The following CACNA1E variants were observed in gnomAD, a reference collection of about 807,000 sequenced individuals.
The protein encoded by CACNA1E is voltage-dependent R-type calcium channel subunit alpha-1E.
CACNA1E carries 40 observed loss-of-function variants against 259.2 expected under a neutral mutation model. The observed-to-expected ratio is 0.15, with a 90% CI of 0.12 to 0.20. CACNA1E has a LOEUF of 0.20. CACNA1E is among the 10% of genes least tolerant of loss of function. The probability of loss-of-function intolerance (pLI) is 1.00; values close to 1 mark genes in which losing one functional copy is unlikely to be tolerated. For synonymous variants in CACNA1E, 1,104 were observed against 1,138.5 expected (o/e 0.97, Z 0.61); for missense variants, 1,874 against 3,040.1 (o/e 0.62, Z 9.02).
At chr1:181,769,401 T>C (rs1659300280) in intron 35 of CACNA1E, among the ~76,000 whole-genome samples, 1 of 150,858 alleles carries the variant, frequency 6.6e-6, no homozygotes, top group South Asian at 2.1e-4. Flanking sequence ...ACAATAAATA[T>C]GTGTTTTTGA....
upstream of CACNA1E, among the ~76,000 whole-genome samples, chr1:181,482,197 G>A (rs1663316323): frequency 6.6e-6 from 1 of 152,244 alleles, no homozygotes; most frequent in Non-Finnish European, 1.5e-5. Flanking sequence ...AGCCTGGGAG[G>A]TGCGGAGGAG....
intron 3 of CACNA1E, among the ~76,000 whole-genome samples, chr1:181,547,231 C>A (rs1647573535): frequency 6.6e-6 from 1 of 152,076 alleles, no homozygotes; most frequent in African/African-American, 2.4e-5. Context: ...CTCATGCCTG[C>A]CCCCGACTCT....
At chr1:181,608,266 CAG>C (rs1386847027) in intron 6 of CACNA1E, among the ~76,000 whole-genome samples, 1 of 151,910 alleles carries the variant, frequency 6.6e-6, no homozygotes, top group Non-Finnish European at 1.5e-5. Context: ...TTTGGGAAGA[CAG>C]GGAGGAGCGA....
chr1:181,370,925 C>A (rs992133295), intron 1 of CACNA1E, among the ~76,000 whole-genome samples: 1 of 152,154 alleles, frequency 6.6e-6, no homozygotes, highest in Non-Finnish European at 1.5e-5. Flanking sequence ...TCCACAGCCT[C>A]GACAACATGT....
intron 1 of CACNA1E, among the ~76,000 whole-genome samples, chr1:181,383,773 G>C (rs187915539): frequency 6.6e-6 from 1 of 152,186 alleles, no homozygotes; most frequent in Non-Finnish European, 1.5e-5. Context: ...CCTCCCTTAC[G>C]GGGTATGAAC....
chr1:181,732,710 C>A lies in CACNA1E; in HGVS notation c.2624C>A (p.Ser875Tyr). The change falls in exon 20 of 48, where the codon TCC becomes TAC. Residue 875 changes from serine (S) to tyrosine (Y), a missense_variant. By Grantham distance (144) the Ser-to-Tyr change is moderately radical. Coordinates refer to ENST00000367573, the MANE Select transcript of CACNA1E (RefSeq NM_001205293.3). The surrounding 1 kb of genome is among the most constrained non-coding windows in gnomAD (Gnocchi z 5.5). The stretch of plus-strand genomic sequence containing the variant: ...CTGGACAACCAGAGGACCCCTTTGT[C>A]CCTGGGCCAGCGGGAGCCACCATGG... ...SALDNQRTPLSLGQREPPWLA... is the reference protein window; with the variant it reads ...SALDNQRTPLYLGQREPPWLA... 1 of 1,541,702 alleles carries A rather than the reference C, an allele frequency of 6.5e-7. No individual in the cohort carries two copies. Among genetic ancestry groups the A allele is most frequent in the Admixed American group, 2.0e-5 (1 of 50,060 alleles).
chr1:181,412,424 G>T (rs550657487), intron 1 of CACNA1E, among the ~76,000 whole-genome samples: 96 of 152,268 alleles, frequency 6.3e-4, no homozygotes, highest in Admixed American at 1.3e-3. Flanking sequence ...TAAAAAAATT[G>T]CTGGATGTGG....
chr1:181,798,808 G>T lies in CACNA1E; in HGVS notation c.6916G>T (p.Asp2306Tyr). ...MCGAVNNLLSDTEEDDKC is the reference protein window; with the variant it reads ...MCGAVNNLLSYTEEDDKC ...TGGGGCTGTCAACAACCTGCTAAGT[G>T]ACACGGAAGAAGATGACAAATGCTA... is the stretch of plus-strand genomic sequence containing the variant. The change falls in exon 48 of 48, where the codon GAC (aspartate) becomes TAC (tyrosine). Residue 2306 changes from aspartate to tyrosine, a missense_variant. Physicochemically the swap from Asp to Tyr is radical, Grantham distance 160. Coordinates refer to ENST00000367573, the MANE Select transcript of CACNA1E (RefSeq NM_001205293.3). The surrounding 1 kb of genome is among the most constrained non-coding windows in gnomAD (Gnocchi z 4.2). 1 of 1,532,054 alleles carries T rather than the reference G, an allele frequency of 6.5e-7. No individual in the cohort carries two copies. Among genetic ancestry groups the T allele is most frequent in the South Asian group, 1.2e-5 (1 of 80,800 alleles). The allele number at this position is 1,532,054 out of a possible 1,614,324, so 94.9% of individuals were successfully genotyped here. A position where few individuals can be genotyped will look rare whatever the true frequency, so the allele number is the denominator to read the frequency against.
intron 3 of CACNA1E, among the ~76,000 whole-genome samples, chr1:181,521,393 G>T (rs1467128402): frequency 6.6e-6 from 1 of 152,178 alleles, no homozygotes; most frequent in Non-Finnish European, 1.5e-5. Flanking sequence ...TATCTTTGCT[G>T]TTGAATCTTA....
In CACNA1E at chr1:181,733,587, C is replaced by T. The variant is rs1337344692; in HGVS notation, c.3099C>T (p.Ala1033=). 1.9e-6 allele frequency: 3 copies of T among 1,612,786 alleles called. No individual in the cohort carries two copies. The highest frequency in any genetic ancestry group is 2.5e-6 in the Non-Finnish European group (3 of 1,179,478). ...AGCCAGAAGGCAGCAGTGAGCAGGC[C>T]CTGCTGGGGAATGTGCAGCTAGACA... ...EQEPEGSSEQ[A]LLGNVQLDMG... Residue 1033 remains alanine (A), a synonymous_variant, in exon 21 of 48, where the codon GCC becomes GCT. Coordinates refer to ENST00000367573, the MANE Select transcript of CACNA1E (RefSeq NM_001205293.3).
intron 2 of CACNA1E, among the ~76,000 whole-genome samples, chr1:181,455,418 G>A (rs1441100516): frequency 1.3e-5 from 2 of 152,198 alleles, no homozygotes; most frequent in East Asian, 1.9e-4. Flanking sequence ...AGAGGATAAC[G>A]TGAGAAGAGC....
rs751000349 is a variant in CACNA1E, at chr1:181,721,746, T to G, written c.1957-12T>G. The G allele has an allele frequency of 7.0e-6, 11 of 1,576,136 alleles. No individual in the cohort carries two copies. The South Asian group carries it at 1.2e-4, about 17-fold the overall frequency. ...CCAGGTTTCTGATGCGCCTGTCATT[T>G]GCTTTTTGTAGATCCTGACGGGTGA... On this transcript the variant is annotated splice_polypyrimidine_tract_variant and intron_variant, in intron 15 of 47. Coordinates refer to ENST00000367573, the MANE Select transcript of CACNA1E (RefSeq NM_001205293.3).
At position 181,525,285 on chromosome 1, in the gene CACNA1E, G is replaced by A. The variant is rs1667274139; in HGVS notation, c.512+13775G>A. Among the ~76,000 whole-genome samples the A allele has an allele frequency of 2.6e-5, 4 of 152,318 alleles. No individual in the cohort carries two copies. In the South Asian group the frequency reaches 8.3e-4, roughly 32 times the overall value. On this transcript the variant is annotated intron_variant, in intron 3 of 47. Coordinates refer to ENST00000367573, the MANE Select transcript of CACNA1E (RefSeq NM_001205293.3). The stretch of plus-strand genomic sequence containing the variant: ...AGGGACAGCAGTAGAGTTAAATAGG[G>A]AAGAGATGGAAGATCACTGGGAATG...
intron 2 of CACNA1E, 78 bp downstream of exon 2, chr1:181,510,660 A>T: frequency 1.1e-6 from 1 of 904,950 alleles, no homozygotes; most frequent in Non-Finnish European, 1.8e-6. Flanking sequence ...TCACTCTCCC[A>T]TTCCCTTCCT....
chr1:181,554,296 G>A (rs141582054), intron 3 of CACNA1E, among the ~76,000 whole-genome samples: 2,861 of 152,254 alleles, frequency 0.019, 42 homozygotes, highest in Non-Finnish European at 0.031. Flanking sequence ...TTAAAGATGT[G>A]AGCCACTGCG....
At chr1:181,431,551 C>T (rs1318660700) in intron 2 of CACNA1E, among the ~76,000 whole-genome samples, 1 of 152,164 alleles carries the variant, frequency 6.6e-6, no homozygotes, top group East Asian at 1.9e-4. Flanking sequence ...TATTAACAGA[C>T]ATGCCAGTGG....
intron 46 of CACNA1E, among the ~76,000 whole-genome samples, chr1:181,796,439 A>T (rs910703531): frequency 6.6e-6 from 1 of 152,154 alleles, no homozygotes; most frequent in African/African-American, 2.4e-5. Flanking sequence ...TCTTCTTATC[A>T]GGGCACTAAT....
chr1:181,369,863 T>G (rs573840022), intron 1 of CACNA1E, among the ~76,000 whole-genome samples: 14 of 152,204 alleles, frequency 9.2e-5, no homozygotes. Context: ...GCAAATTGTG[T>G]GTCATGGGGG....
intron 7 of CACNA1E, 184 bp downstream of exon 7, chr1:181,651,625 C>G: frequency 1.9e-6 from 1 of 529,176 alleles, no homozygotes; most frequent in East Asian, 3.2e-5. Flanking sequence ...TTCTAATAAT[C>G]TTGATTATTC....
Sources: gnomAD v4.1 joint callset for allele counts (sites outside exome capture counted in the v4.1 genomes callset) on GRCh38, gnomAD v4.1.1 for gene constraint, Gnocchi (gnomAD v3.1) non-coding constraint, MANE v1.5 for transcripts, NCBI Gene and HGNC (gene_info 2026-07-23, HGNC 2026-07-21) for gene names.